COL4A5: variants seen among roughly 807,000 people sequenced by gnomAD.
The protein encoded by COL4A5 is collagen type IV alpha 5 chain.
In COL4A5, 26 loss-of-function variants were observed where a neutral mutation model predicts 130.2. That is an observed-to-expected ratio of 0.20 (90% confidence interval 0.15 to 0.28). The LOEUF (loss-of-function observed/expected upper bound fraction) is 0.28, where lower values mean the gene tolerates loss of function less well. COL4A5 is among the 10% of genes least tolerant of loss of function. The probability of loss-of-function intolerance (pLI) is 1.00; values close to 1 mark genes in which losing one functional copy is unlikely to be tolerated. For missense variants in COL4A5, 1,131 were observed against 1,344.3 expected, an observed-to-expected ratio of 0.84 and a Z score of 2.48; for synonymous variants, 496 against 439.6, an observed-to-expected ratio of 1.13 and a Z score of -1.60.
intron 37 of COL4A5, among the ~76,000 whole-genome samples, chrX:108,663,027 T>A (rs2067996571): frequency 1.8e-5 from 2 of 112,044 alleles, no homozygotes; most frequent in Non-Finnish European, 1.9e-5. Flanking sequence ...AGAATCCAGC[T>A]CAGCTGTGCC....
At chrX:108,517,665 A>T (rs1170901542) in intron 1 of COL4A5, among the ~76,000 whole-genome samples, 1 of 111,435 alleles carries the variant, frequency 9.0e-6, no homozygotes, top group Non-Finnish European at 1.9e-5. Flanking sequence ...CTATGCTGTG[A>T]TCCTTACTTA....
At chrX:108,582,728 C>A in intron 16 of COL4A5, 156 bp from the exon 17 acceptor site, 1 of 374,549 alleles carries the variant, frequency 2.7e-6, no homozygotes. Flanking sequence ...AGAAAACACT[C>A]CTTGAATTGC....
intron 36 of COL4A5, among the ~76,000 whole-genome samples, chrX:108,639,144 G>C (rs58889916): frequency 0.1 from 11,532 of 110,611 alleles, 1,302 homozygotes; most frequent in African/African-American, 0.34. Flanking sequence ...TTTTTTATTA[G>C]AAAACATATT....
chrX:108,505,385 TA>T lies in COL4A5; in HGVS notation c.82-34351del, dbSNP rs764240177. Among the ~76,000 whole-genome samples the T allele has an allele frequency of 9.7e-4, 104 of 106,911 alleles. 1 individual carries two copies. Among genetic ancestry groups the T allele is most frequent in the African/African-American group, 3.1e-3 (93 of 29,603 alleles). 92.8% of individuals were successfully genotyped at this position (106,911 alleles called of 115,157 possible). ...ACTTGTACCCCTAAAGCTATTGAAA[TA>T]AAAAAAAAACTCAAAGAAAAGTAGT... is the stretch of plus-strand genomic sequence containing the variant. On this transcript the variant is annotated intron_variant, in intron 1 of 52. Transcript: ENST00000328300.
chrX:108,590,477 C>T (rs1251072768), intron 19 of COL4A5, among the ~76,000 whole-genome samples: 1 of 111,085 alleles, frequency 9.0e-6, no homozygotes, highest in African/African-American at 3.3e-5. Context: ...ATATAATAAA[C>T]AGTTGATTCT....
At position 108,666,580 on chromosome X, in the gene COL4A5, A is replaced by C; in HGVS notation, c.3539A>C (p.Gln1180Pro). Residue 1180 changes from glutamine (Q) to proline (P), a missense_variant, in exon 39 of 53, where the codon CAG becomes CCG. Transcript: ENST00000328300. Reference sequence around the variant, plus strand: ...GATGGTATTCCTGGACCAGCTGGACAGAAGGGTGAACCAGGTGCTGTAGTT... The same window carrying C: ...GATGGTATTCCTGGACCAGCTGGACCGAAGGGTGAACCAGGTGCTGTAGTT... Reference protein sequence around the residue: ...GQDGIPGPAGQKGEPGQPGFG... With the variant: ...GQDGIPGPAGPKGEPGQPGFG... The C allele has an allele frequency of 8.3e-7, 1 of 1,202,604 alleles. No homozygotes were observed. Among genetic ancestry groups the C allele is most frequent in the Non-Finnish European group, 1.1e-6 (1 of 889,354 alleles).
chrX:108,620,206 A>G lies in COL4A5; in HGVS notation c.2510-53A>G, dbSNP rs1052850126. The G allele has an allele frequency of 4.4e-5, 45 of 1,029,656 alleles. No homozygotes were observed. In the African/African-American group the frequency reaches 8.0e-4, roughly 18 times the overall value. The allele number at this position is 1,029,656 out of a possible 1,213,427, so 84.9% of individuals were successfully genotyped here. On this transcript the variant is annotated intron_variant, in intron 30 of 52. Coordinates refer to ENST00000328300, the MANE Select transcript of COL4A5 (RefSeq NM_033380.3). The stretch of plus-strand genomic sequence containing the variant: ...TTGTTTACTAGAAATATAACCAGAT[A>G]CATCTTTTAAAACTGCTTCAGTACT...
At chrX:108,589,531 C>T (rs756154924) in intron 19 of COL4A5, among the ~76,000 whole-genome samples, 1 of 111,277 alleles carries the variant, frequency 9.0e-6, no homozygotes, top group South Asian at 3.7e-4. Flanking sequence ...ATATATAGTG[C>T]ACAGTAGACA....
At chrX:108,523,494 G>C (rs2065285950) in intron 1 of COL4A5, among the ~76,000 whole-genome samples, 1 of 112,242 alleles carries the variant, frequency 8.9e-6, no homozygotes, top group Non-Finnish European at 1.9e-5. Flanking sequence ...ATTATTGTAG[G>C]TTTGTAGCAA....
intron 25 of COL4A5, among the ~76,000 whole-genome samples, chrX:108,599,457 A>ATGTGTG (rs112135923): frequency 0.02 from 2,140 of 106,565 alleles, 58 homozygotes; most frequent in African/African-American, 0.069. Context: ...ATGTATGTTT[A>ATGTGTG]TGTGTGTGTG....
At chrX:108,440,271 TGGG>T in intron 1 of COL4A5, 65 bp downstream of exon 1, 4 of 635,726 alleles carry the variant, frequency 6.3e-6, no homozygotes, top group Non-Finnish European at 9.7e-6. Flanking sequence ...ACCTTTTTTT[TGGG>T]GGGGGGGTCC....
intron 3 of COL4A5, 68 bp downstream of exon 3, chrX:108,559,221 C>A: frequency 1.2e-6 from 1 of 812,536 alleles, no homozygotes; most frequent in Non-Finnish European, 1.9e-6. Context: ...GACTAGGTGT[C>A]ACATCAACTA....
chrX:108,454,096 A>T (rs947204215), intron 1 of COL4A5, among the ~76,000 whole-genome samples: 1 of 112,182 alleles, frequency 8.9e-6, no homozygotes, highest in South Asian at 3.7e-4. Flanking sequence ...TTTCTTCTAT[A>T]TAGTTATCTC....
chrX:108,597,631 G>C lies in COL4A5; in HGVS notation c.1779+63G>C, dbSNP rs781091375. 1.3e-4 allele frequency: 130 copies of C among 1,034,125 alleles called. 1 individual carries two copies. Among genetic ancestry groups the C allele is most frequent in the Admixed American group, 2.0e-4 (8 of 39,603 alleles). 85.2% of individuals were successfully genotyped at this position (1,034,125 alleles called of 1,213,427 possible). A position where few individuals can be genotyped will look rare whatever the true frequency, so the allele number is the denominator to read the frequency against. On this transcript the variant is annotated intron_variant, in intron 24 of 52. Coordinates refer to ENST00000328300, the MANE Select transcript of COL4A5 (RefSeq NM_033380.3). ...ATTTTCACTTAGAAATGTTTTCTAA[G>C]TTAATTCAAAGGATGGGACTGATGC...
chrX:108,533,625 G>A (rs1191679918), intron 1 of COL4A5, among the ~76,000 whole-genome samples: 1 of 110,521 alleles, frequency 9.0e-6, no homozygotes, highest in Non-Finnish European at 1.9e-5. Context: ...ATTGGTCTAG[G>A]CAAAGAATTT....
intron 2 of COL4A5, among the ~76,000 whole-genome samples, chrX:108,549,200 A>G (rs2147695060): frequency 8.9e-6 from 1 of 112,032 alleles, no homozygotes; most frequent in South Asian, 3.7e-4. Context: ...CAAATCCACA[A>G]TCATGGTTGT....
chrX:108,586,775 T>A, intron 19 of COL4A5, 28 bp downstream of exon 19: 1 of 1,194,963 alleles, frequency 8.4e-7, no homozygotes, highest in Non-Finnish European at 1.1e-6. Context: ...TATGGCCTTG[T>A]TCTTATAGCA....
At chrX:108,582,711 TTTTC>T in intron 16 of COL4A5, 169 bp from the exon 17 acceptor site, 2 of 388,342 alleles carry the variant, frequency 5.2e-6, no homozygotes, top group Non-Finnish European at 4.5e-6. Flanking sequence ...TTTTTTTTTT[TTTTC>T]TGAGAAAACA....
chrX:108,585,647 T>G (rs1001921711), intron 18 of COL4A5, among the ~76,000 whole-genome samples: 1 of 111,435 alleles, frequency 9.0e-6, no homozygotes, highest in African/African-American at 3.3e-5. Context: ...TACATCAGAC[T>G]GGCAGTCTCT....
Sources: allele counts gnomAD v4.1 joint callset (sites outside exome capture counted in the v4.1 genomes callset), GRCh38; gene constraint gnomAD v4.1.1; transcripts MANE v1.5; gene names NCBI Gene and HGNC (gene_info 2026-07-23, HGNC 2026-07-21).